PARP15: variants seen among roughly 807,000 people sequenced by gnomAD.
PARP15 encodes the protein poly(ADP-ribose) polymerase family member 15, also known as protein mono-ADP-ribosyltransferase PARP15.
Under a neutral mutation model 62.1 loss-of-function variants are expected in PARP15, and 50 were observed. The observed-to-expected ratio is 0.81, with a 90% CI of 0.64 to 1.02. The LOEUF is 1.02. PARP15 is among the 50% of genes least tolerant of loss of function. PARP15 has a pLI of 0.00. For synonymous variants in PARP15, 309 were observed against 293.1 expected (o/e 1.05, Z -0.55); for missense variants, 820 against 826.5 (o/e 0.99, Z 0.10).
intron 9 of PARP15, 96 bp from the exon 10 acceptor site, chr3:122,631,990 G>A (rs1353151084): frequency 1.3e-5 from 18 of 1,391,900 alleles, no homozygotes; most frequent in Non-Finnish European, 1.7e-5. Context: ...TAAAGACCAG[G>A]TTTGGATGAC....
chr3:122,631,306 G>A (rs763632207), intron 9 of PARP15, among the ~76,000 whole-genome samples: 2 of 152,192 alleles, frequency 1.3e-5, no homozygotes, highest in African/African-American at 2.4e-5. Context: ...CCTGTGTCAC[G>A]AGAACTTACC....
In PARP15 at chr3:122,637,073, A is replaced by C. The variant is rs1022338801; in HGVS notation, c.*973A>C. 6 of 152,018 alleles carry C rather than the reference A, an allele frequency of 3.9e-5. No homozygotes were observed. The highest frequency in any genetic ancestry group is 1.5e-4 in the African/African-American group (6 of 41,244). 9.4% of individuals were successfully genotyped at this position (152,018 alleles called of 1,614,324 possible). ...GTTGATTATTTTGATCAGCTTGTTC[A>C]GTCTGGGAGGGAATTGCACAAGGGC... On this transcript the variant is annotated 3_prime_UTR_variant, in exon 12 of 12. Transcript: ENST00000464300.
At chr3:122,616,454 C>A (rs140456946) in intron 5 of PARP15, among the ~76,000 whole-genome samples, 2 of 151,670 alleles carry the variant, frequency 1.3e-5, no homozygotes, top group Non-Finnish European at 2.9e-5. Context: ...TTCAGTCTCC[C>A]GAGTAGCTGG....
At chr3:122,617,884 C>T (rs1163020244) in intron 6 of PARP15, among the ~76,000 whole-genome samples, 1 of 151,468 alleles carries the variant, frequency 6.6e-6, no homozygotes, top group African/African-American at 2.4e-5. Flanking sequence ...ATGTGCCACC[C>T]CCTAATTTAT....
chr3:122,580,521 A>ATAC (rs1325157014), intron 1 of PARP15, among the ~76,000 whole-genome samples: 1 of 152,202 alleles, frequency 6.6e-6, no homozygotes, highest in African/African-American at 2.4e-5. Context: ...ATTTTTAAGT[A>ATAC]TACAGTTCAG....
At chr3:122,599,526 T>TCC (rs1416857596) in intron 1 of PARP15, among the ~76,000 whole-genome samples, 3 of 69,686 alleles carry the variant, frequency 4.3e-5, no homozygotes, top group Non-Finnish European at 6.2e-5. Flanking sequence ...CTTTTTTCTT[T>TCC]TCTTTCCTTT....
At chr3:122,582,567 T>A (rs939657239) in intron 1 of PARP15, among the ~76,000 whole-genome samples, 1 of 152,242 alleles carries the variant, frequency 6.6e-6, no homozygotes, top group African/African-American at 2.4e-5. Context: ...CTGTCATTCT[T>A]ATCTTTACCC....
intron 9 of PARP15, among the ~76,000 whole-genome samples, chr3:122,628,305 C>G (rs1243238246): frequency 1.3e-5 from 2 of 152,152 alleles, no homozygotes; most frequent in East Asian, 3.9e-4. Flanking sequence ...CTGGCCAAGC[C>G]AGAGTCACAT....
chr3:122,588,041 C>T (rs1008374882), intron 1 of PARP15, among the ~76,000 whole-genome samples: 27 of 152,100 alleles, frequency 1.8e-4, no homozygotes, highest in Non-Finnish European at 3.8e-4. Context: ...CAAAAATTTT[C>T]TCCCAGTCTG....
At chr3:122,622,059 T>G (rs933308986) in intron 8 of PARP15, among the ~76,000 whole-genome samples, 1 of 152,174 alleles carries the variant, frequency 6.6e-6, no homozygotes, top group Non-Finnish European at 1.5e-5. Context: ...TCAGCCTCCC[T>G]AAGTGCTGGG....
At chr3:122,586,144 A>G (rs1294757539) in intron 1 of PARP15, among the ~76,000 whole-genome samples, 2 of 152,336 alleles carry the variant, frequency 1.3e-5, no homozygotes, top group Non-Finnish European at 2.9e-5. Context: ...TCTTCATAAT[A>G]AAACCCAACT....
chr3:122,623,789 T>C (rs1936502799), intron 8 of PARP15, among the ~76,000 whole-genome samples: 1 of 152,234 alleles, frequency 6.6e-6, no homozygotes, highest in Admixed American at 6.5e-5. Flanking sequence ...GTGATTTTGA[T>C]GATGCCTTCA....
At chr3:122,582,317 A>G (rs553888588) in intron 1 of PARP15, among the ~76,000 whole-genome samples, 1 of 152,240 alleles carries the variant, frequency 6.6e-6, no homozygotes, top group East Asian at 1.9e-4. Context: ...GACCACAAGC[A>G]TGCACCATCT....
chr3:122,584,704 A>G (rs1217598765), intron 1 of PARP15, among the ~76,000 whole-genome samples: 1 of 151,456 alleles, frequency 6.6e-6, no homozygotes, highest in Non-Finnish European at 1.5e-5. Context: ...CAGCCTCCCA[A>G]GTATCTGGGA....
chr3:122,624,751 C>T (rs1373003669), intron 8 of PARP15, among the ~76,000 whole-genome samples: 8 of 152,120 alleles, frequency 5.3e-5, no homozygotes, highest in African/African-American at 1.4e-4. Flanking sequence ...AGGAAAGTTG[C>T]GTTAGGAATC....
intron 1 of PARP15, among the ~76,000 whole-genome samples, chr3:122,595,518 C>A (rs1180667879): frequency 1.3e-5 from 2 of 152,154 alleles, no homozygotes; most frequent in East Asian, 3.9e-4. Context: ...GGACACCATA[C>A]TTTTCGGTTT....
intron 1 of PARP15, among the ~76,000 whole-genome samples, chr3:122,586,030 AT>A (rs1479931887): frequency 6.6e-6 from 1 of 152,190 alleles, no homozygotes; most frequent in Non-Finnish European, 1.5e-5. Flanking sequence ...TAGAACTTTT[AT>A]TCTACTACTT....
At chr3:122,612,949 GA>G (rs1163706872) in intron 3 of PARP15, 91 bp from the exon 4 acceptor site, 2 of 1,098,762 alleles carry the variant, frequency 1.8e-6, no homozygotes, top group African/African-American at 3.1e-5. Flanking sequence ...CAATAGCAGA[GA>G]GGTCCTTGTC....
At chr3:122,599,103 G>T (rs935021077) in intron 1 of PARP15, among the ~76,000 whole-genome samples, 3 of 151,922 alleles carry the variant, frequency 2.0e-5, no homozygotes, top group African/African-American at 4.8e-5. Flanking sequence ...CACCACTTTG[G>T]GCAGGCTGGT....
Sources: allele counts gnomAD v4.1 joint callset (sites outside exome capture counted in the v4.1 genomes callset), GRCh38; gene constraint gnomAD v4.1.1; transcripts MANE v1.5; gene names NCBI Gene and HGNC (gene_info 2026-07-23, HGNC 2026-07-21).